Variants in EGFL7 observed in about 807,000 individuals in gnomAD.
EGFL7 encodes the protein epidermal growth factor-like protein 7.
EGFL7 carries 48 observed loss-of-function variants against 37.1 expected under a neutral mutation model. The ratio of observed to expected loss-of-function variants is 1.29; its 90% CI spans 1.03 to 1.65. The LOEUF is 1.65. EGFL7 is among the 40% of genes most tolerant of loss of function. EGFL7 has a pLI of 0.00. For synonymous variants in EGFL7, 180 were observed against 156.8 expected (o/e 1.15, Z -1.10); for missense variants, 384 against 378.9 (o/e 1.01, Z -0.11).
chr9:136,670,329 A>G lies in EGFL7; in HGVS notation c.570A>G (p.Thr190=). The part of the protein sequence containing the change: ...GGPPRVAPNP[T]GVDSAMKEEV... The stretch of plus-strand genomic sequence containing the variant: ...CCCCCAGGGTGGCCCCCAACCCGAC[A>G]GGTAAACAGCCCTGGCTGTGCCTGG... Residue 190 remains threonine (T), a splice_region_variant and synonymous_variant, in exon 8 of 11, where the codon ACA becomes ACG. Transcript: ENST00000308874. The G allele has an allele frequency of 6.4e-7, 1 of 1,566,458 alleles. No individual in the cohort carries two copies. The highest frequency in any genetic ancestry group is 8.7e-7 in the Non-Finnish European group (1 of 1,153,168).
intron 9 of EGFL7, 73 bp downstream of exon 9, chr9:136,671,087 G>A: frequency 2.3e-6 from 3 of 1,282,626 alleles, no homozygotes; most frequent in Non-Finnish European, 1.1e-6. Context: ...AGGTGTGGAG[G>A]GGCAGGCAGT....
Position 136,668,265 on chromosome 9 carries a change from C to A in EGFL7, c.-18C>A, listed in dbSNP as rs748499063. 2 of 1,592,250 alleles carry A rather than the reference C, an allele frequency of 1.3e-6. No homozygotes were observed. The highest frequency in any genetic ancestry group is 4.5e-5 in the East Asian group (2 of 44,072). On this transcript the variant is annotated 5_prime_UTR_variant, in exon 4 of 11. Coordinates refer to ENST00000308874, the MANE Select transcript of EGFL7 (RefSeq NM_016215.5). ...GGCCACCCAGAGGAGAAGGCCACCC[C>A]GCCTGGAGGCACAGGCCATGAGGGG...
intron 9 of EGFL7, among the ~76,000 whole-genome samples, chr9:136,671,461 T>A (rs1212948024): frequency 3.3e-5 from 5 of 152,124 alleles, no homozygotes; most frequent in Non-Finnish European, 5.9e-5. Flanking sequence ...GGGAGGTGGC[T>A]TCCTCGCTGC....
chr9:136,668,751 C>T (rs926882037), intron 5 of EGFL7, 78 bp downstream of exon 5: 75 of 1,250,008 alleles, frequency 6.0e-5, no homozygotes, highest in Non-Finnish European at 7.4e-5. Flanking sequence ...AGGGGCGAGG[C>T]GGGGGTGAAT....
chr9:136,672,271 C>CT lies in EGFL7; in HGVS notation c.807_808insT (p.Lys270Ter), dbSNP rs766498563. On this transcript the variant is annotated frameshift_variant, in exon 11 of 11. Transcript: ENST00000308874. LOFTEE classifies it high-confidence loss of function. ...CGCCTCATCCAACCCTAGGCTCCTG[C>CT]AAGAAAGACTCGTGACTGCCCAGCG... The CT allele has an allele frequency of 1.9e-6, 3 of 1,613,422 alleles. No individual in the cohort carries two copies. In the African/African-American group the frequency reaches 4.0e-5, roughly 21 times the overall value.
At chr9:136,670,381 A>G (rs1588245595) in intron 8 of EGFL7, 51 bp downstream of exon 8, 6 of 1,498,102 alleles carry the variant, frequency 4.0e-6, no homozygotes, top group Non-Finnish European at 5.4e-6. Context: ...GGCAGTGGAC[A>G]TTGCCGTGTG....
Position 136,670,023 on chromosome 9 carries a change from T to TGCGTCA in EGFL7, c.409+14_409+15insGCGTCA. ...CTTGCCAGTCAGGTGAGGCTGGCTC[T>TGCGTCA]ACCCTGGGGGGCCCTGGAAGGGTCC... On this transcript the variant is annotated intron_variant, in intron 7 of 10. Coordinates refer to ENST00000308874, the MANE Select transcript of EGFL7 (RefSeq NM_016215.5). 6.3e-7 allele frequency: 1 copy of TGCGTCA among 1,587,400 alleles called. No homozygotes were observed. Among genetic ancestry groups the TGCGTCA allele is most frequent in the African/African-American group, 1.3e-5 (1 of 74,688 alleles).
chr9:136,663,047 A>T lies in EGFL7; in HGVS notation c.-414A>T, dbSNP rs1350064000. 6.6e-6 allele frequency: 1 copy of T among 152,382 alleles called. No individual in the cohort carries two copies. The highest frequency in any genetic ancestry group is 1.5e-5 in the Non-Finnish European group (1 of 68,156). 9.4% of individuals were successfully genotyped at this position (152,382 alleles called of 1,614,324 possible). ...GAGGCCCCAGCAAGGGCTAGGGTCC[A>T]TCTCCAGTCCCAGGACACAGCAGCG... is the stretch of plus-strand genomic sequence containing the variant. On this transcript the variant is annotated 5_prime_UTR_variant, in exon 1 of 11. Coordinates refer to ENST00000308874, the MANE Select transcript of EGFL7 (RefSeq NM_016215.5).
chr9:136,672,080 TG>T lies in EGFL7; in HGVS notation c.795del (p.Ser266ProfsTer43). The T allele has an allele frequency of 6.5e-7, 1 of 1,546,272 alleles. No homozygotes were observed. Reference sequence around the variant, plus strand: ...CAGATTTCCTTCCTGGAGGAGCAGCTGGGGTCCTGTGAGTGCCCCCACCCTC... The same window carrying T: ...CAGATTTCCTTCCTGGAGGAGCAGCTGGGTCCTGTGAGTGCCCCCACCCTC... ...SEQISFLEEQLGSCSCKKDS is the reference protein window; with the variant it reads ...SEQISFLEEQXGSCSCKKDS On this transcript the variant is annotated frameshift_variant, in exon 10 of 11. Transcript: ENST00000308874. LOFTEE classifies it high-confidence loss of function.
In EGFL7 at chr9:136,669,974, G is replaced by GC. The variant is rs780130957; in HGVS notation, c.377dup (p.Ala127CysfsTer6). ...TGTGTCCAGCCTGGCCGCTGCCGCTGCCCTGCAGGATGGCGGGGTGACACT... is the reference window on the plus strand; with the variant it reads ...TGTGTCCAGCCTGGCCGCTGCCGCTGCCCCTGCAGGATGGCGGGGTGACACT... On this transcript the variant is annotated frameshift_variant, in exon 7 of 11. Transcript: ENST00000308874. LOFTEE classifies it high-confidence loss of function. 1.7e-5 allele frequency: 27 copies of GC among 1,603,586 alleles called. No homozygotes were observed. The highest frequency in any genetic ancestry group is 2.3e-5 in the Non-Finnish European group (27 of 1,174,528).
At chr9:136,668,713 TC>T in intron 5 of EGFL7, 40 bp downstream of exon 5, 1 of 1,542,504 alleles carries the variant, frequency 6.5e-7, no homozygotes, top group South Asian at 1.1e-5. Flanking sequence ...AGCCCCAGCC[TC>T]CCAAGTCGGC....
At chr9:136,669,034 G>A (rs1845666087) in intron 5 of EGFL7, among the ~76,000 whole-genome samples, 1 of 152,140 alleles carries the variant, frequency 6.6e-6, no homozygotes, top group Non-Finnish European at 1.5e-5. Context: ...ACAGAATGGT[G>A]CCTGACTCCC....
chr9:136,669,897 G>A lies in EGFL7; in HGVS notation c.314-17G>A. On this transcript the variant is annotated splice_polypyrimidine_tract_variant and intron_variant, in intron 6 of 10. Coordinates refer to ENST00000308874, the MANE Select transcript of EGFL7 (RefSeq NM_016215.5). Reference sequence around the variant, plus strand: ...GGGGACCCAACTGAGCTGGTGACCAGCCTCCCCCGCCCACAGCAATATGCC... The same window carrying A: ...GGGGACCCAACTGAGCTGGTGACCAACCTCCCCCGCCCACAGCAATATGCC... 6.4e-7 allele frequency: 1 copy of A among 1,564,394 alleles called. No individual in the cohort carries two copies. The highest frequency in any genetic ancestry group is 1.2e-5 in the South Asian group (1 of 85,602).
chr9:136,670,584 T>C (rs1845784474), intron 8 of EGFL7: 1 of 780,170 alleles, frequency 1.3e-6, no homozygotes, highest in African/African-American at 1.7e-5. Context: ...CGCAGCATTC[T>C]GGAAGACGCC....
At chr9:136,669,279 GT>G (rs770219097) in intron 5 of EGFL7, among the ~76,000 whole-genome samples, 14 of 152,348 alleles carry the variant, frequency 9.2e-5, no homozygotes, top group Non-Finnish European at 1.9e-4. Flanking sequence ...GTGACTCGCC[GT>G]AGGCCGGGCA....
At chr9:136,670,491 G>T (rs113790382) in intron 8 of EGFL7, 161 bp downstream of exon 8, 12 of 970,264 alleles carry the variant, frequency 1.2e-5, no homozygotes, top group Non-Finnish European at 1.8e-5. Context: ...GTGGGTTCCC[G>T]AGAACTGGGG....
rs779469840 is a variant in EGFL7, at chr9:136,670,211, G to A, written c.452G>A (p.Arg151His). The change falls in exon 8 of 11, where the codon CGC becomes CAC. Residue 151 changes from arginine (R) to histidine (H), a missense_variant. By Grantham distance (29) the Arg-to-His change is conservative (BLOSUM62 0). Coordinates refer to ENST00000308874, the MANE Select transcript of EGFL7 (RefSeq NM_016215.5). ...GCTAGGAGGGGCGGCTGTCCCCAGC[G>A]CTGCGTCAACACCGCCGGCAGTTAC... ...CSARRGGCPQ[R>H]CVNTAGSYWC... 2.9e-5 allele frequency: 46 copies of A among 1,612,482 alleles called. No homozygotes were observed. The highest frequency in any genetic ancestry group is 5.0e-5 in the Admixed American group (3 of 59,990).
At chr9:136,660,324 C>G (rs573674823), upstream of EGFL7, 4 of 152,356 alleles carry the variant, frequency 2.6e-5, no homozygotes, top group South Asian at 8.3e-4. Context: ...CCTGTACCTG[C>G]CTCTGAGGCT....
rs57311093 is a variant in EGFL7 at position 136,671,027 on chromosome 9, TGGGGG to T, written c.636+24_636+28del. The T allele has an allele frequency of 0.011, 7,125 of 657,698 alleles. 320 individuals carry two copies. Among genetic ancestry groups the T allele is most frequent in the African/African-American group, 0.035 (751 of 21,576 alleles). 40.7% of individuals were successfully genotyped at this position (657,698 alleles called of 1,614,324 possible). On this transcript the variant is annotated intron_variant, in intron 9 of 10. Coordinates refer to ENST00000308874, the MANE Select transcript of EGFL7 (RefSeq NM_016215.5). ...CCTGCTGGAGGAGGTGAGGCATTGG[TGGGGG>T]GGGGGGGGGGCAGGCAGTCCAGGGT...
Sources: gnomAD v4.1 joint callset for allele counts (sites outside exome capture counted in the v4.1 genomes callset) on GRCh38, gnomAD v4.1.1 for gene constraint, MANE v1.5 for transcripts, NCBI Gene and HGNC (gene_info 2026-07-23, HGNC 2026-07-21) for gene names.